The following TWSG1 variants were observed in gnomAD, a reference collection of about 807,000 sequenced individuals.
The protein encoded by TWSG1 is twisted gastrulation protein homolog 1.
In TWSG1, 15 loss-of-function variants were observed where a neutral mutation model predicts 23.0. The observed-to-expected ratio is 0.65, with a 90% CI of 0.44 to 1.00. The LOEUF (loss-of-function observed/expected upper bound fraction) is 1.00. Ranked by LOEUF, TWSG1 falls within the 50% of genes least tolerant of loss-of-function variation. The pLI is 0.00. For missense variants in TWSG1, 242 were observed against 278.7 expected (o/e 0.87, Z 0.94); for synonymous variants, 86 against 92.8 (o/e 0.93, Z 0.42).
chr18:9,392,676 A>G (rs930450392), intron 3 of TWSG1, among the ~76,000 whole-genome samples: 18 of 152,194 alleles, frequency 1.2e-4, no homozygotes, highest in African/African-American at 4.3e-4. Flanking sequence ...AGCTTTCAAC[A>G]TGCCATCTTC....
intron 3 of TWSG1, among the ~76,000 whole-genome samples, chr18:9,384,870 T>A (rs1281287009): frequency 6.6e-5 from 10 of 152,192 alleles, no homozygotes; most frequent in Non-Finnish European, 2.9e-5. Context: ...GGTCTTGAAC[T>A]CCTGATCTCA....
chr18:9,349,787 G>A (rs540019477), intron 2 of TWSG1, among the ~76,000 whole-genome samples: 99 of 152,034 alleles, frequency 6.5e-4, no homozygotes, highest in African/African-American at 2.2e-3. Context: ...CTTTTCTCTC[G>A]TGAACATTAT....
In TWSG1 at chr18:9,401,606, C is replaced by A. The variant is rs749549579; in HGVS notation, c.*2079C>A. ...AGAAACTATCCCTAAATGTAAAGAT[C>A]TTTTGCCTTCAAATTTGGCTTATTT... On this transcript the variant is annotated 3_prime_UTR_variant, in exon 5 of 5. Transcript: ENST00000262120. The A allele has an allele frequency of 2.0e-5, 3 of 152,164 alleles. 1 individual carries two copies. Among genetic ancestry groups the A allele is most frequent in the Non-Finnish European group, 1.5e-5 (1 of 67,984 alleles). The allele number at this position is 152,164 out of a possible 1,614,324, so 9.4% of individuals were successfully genotyped here. A position where few individuals can be genotyped will look rare whatever the true frequency, so the allele number is the denominator to read the frequency against.
chr18:9,397,615 A>G (rs746991648), intron 4 of TWSG1, among the ~76,000 whole-genome samples: 6 of 152,236 alleles, frequency 3.9e-5, no homozygotes, highest in Non-Finnish European at 8.8e-5. Context: ...GAAAATTGCA[A>G]TTATTTCTTA....
chr18:9,377,265 C>G (rs1208104980), intron 3 of TWSG1, among the ~76,000 whole-genome samples: 3 of 151,762 alleles, frequency 2.0e-5, no homozygotes, highest in African/African-American at 7.3e-5. Flanking sequence ...GTTGCCCAGG[C>G]TGGCGTGCAG....
At chr18:9,359,794 A>C (rs550564323) in intron 2 of TWSG1, among the ~76,000 whole-genome samples, 178 bp from the exon 3 acceptor site, 121 of 152,366 alleles carry the variant, frequency 7.9e-4, no homozygotes, top group African/African-American at 2.9e-3. Flanking sequence ...ATCCAAAAAA[A>C]ATCTACGTGA....
At chr18:9,391,248 G>A (rs192359892) in intron 3 of TWSG1, among the ~76,000 whole-genome samples, 357 of 152,236 alleles carry the variant, frequency 2.3e-3, no homozygotes, top group Non-Finnish European at 4.1e-3. Context: ...CTCAGGCTCC[G>A]CTTCTAATTC....
intron 2 of TWSG1, among the ~76,000 whole-genome samples, chr18:9,340,367 C>CAAAAAAAA (rs775837207): frequency 2.8e-4 from 19 of 67,066 alleles, no homozygotes; most frequent in Non-Finnish European, 3.0e-4. Flanking sequence ...GACTCCATTT[C>CAAAAAAAA]AAAAAAAAAA....
chr18:9,395,384 C>A (rs985824863), intron 3 of TWSG1, among the ~76,000 whole-genome samples: 4 of 152,212 alleles, frequency 2.6e-5, no homozygotes, highest in Admixed American at 2.6e-4. Flanking sequence ...CTAACAGTCA[C>A]TCATCAGACT....
chr18:9,338,221 G>A (rs2040431157), intron 2 of TWSG1, among the ~76,000 whole-genome samples: 1 of 152,194 alleles, frequency 6.6e-6, no homozygotes, highest in Non-Finnish European at 1.5e-5. Flanking sequence ...GAAGCATTTT[G>A]TGCTTATTTC....
At chr18:9,347,024 T>C (rs900038392) in intron 2 of TWSG1, among the ~76,000 whole-genome samples, 13 of 152,242 alleles carry the variant, frequency 8.5e-5, no homozygotes, top group African/African-American at 3.1e-4. Flanking sequence ...TTTCACCATC[T>C]AAATAGGTAT....
intron 3 of TWSG1, among the ~76,000 whole-genome samples, chr18:9,385,906 C>T (rs1278126707): frequency 3.3e-5 from 5 of 152,074 alleles, no homozygotes; most frequent in African/African-American, 1.2e-4. Context: ...TGGTGGCTCA[C>T]ACCTGTAATC....
At chr18:9,368,204 T>C (rs2040588504) in intron 3 of TWSG1, among the ~76,000 whole-genome samples, 1 of 151,980 alleles carries the variant, frequency 6.6e-6, no homozygotes, top group Admixed American at 6.6e-5. Context: ...TTTTTTTTGT[T>C]TTGTTTTGTT....
intron 3 of TWSG1, among the ~76,000 whole-genome samples, chr18:9,395,627 T>C (rs2040731269): frequency 6.6e-6 from 1 of 152,196 alleles, no homozygotes; most frequent in Admixed American, 6.5e-5. Context: ...AGTCCAATGG[T>C]ACAGTGATAG....
chr18:9,367,809 T>C (rs938722466), intron 3 of TWSG1, among the ~76,000 whole-genome samples: 5 of 152,222 alleles, frequency 3.3e-5, no homozygotes, highest in Non-Finnish European at 1.5e-5. Context: ...TAGGATTTCC[T>C]TCTTTTTTTA....
Position 9,340,805 on chromosome 18 carries a change from C to T in TWSG1, c.123+3453C>T, listed in dbSNP as rs1048386551. 1.8e-4 allele frequency among the ~76,000 whole-genome samples: 27 copies of T among 152,208 alleles called. 1 individual carries two copies. Among genetic ancestry groups the T allele is most frequent in the East Asian group, 1.9e-4 (1 of 5,204 alleles). Reference sequence around the variant, plus strand: ...TGCAATACAGTAGAATCTAGCCATACGTGGCTACCAAGTACTTGAAATGTG... The same window carrying T: ...TGCAATACAGTAGAATCTAGCCATATGTGGCTACCAAGTACTTGAAATGTG... On this transcript the variant is annotated intron_variant, in intron 2 of 4. Transcript: ENST00000262120.
At chr18:9,336,786 A>G (rs1390971511) in intron 1 of TWSG1, among the ~76,000 whole-genome samples, 1 of 152,246 alleles carries the variant, frequency 6.6e-6, no homozygotes, top group Non-Finnish European at 1.5e-5. Flanking sequence ...CCATTTCTGG[A>G]TAGTCTGAGG....
chr18:9,343,955 C>T (rs2040460615), intron 2 of TWSG1, among the ~76,000 whole-genome samples: 1 of 152,152 alleles, frequency 6.6e-6, no homozygotes, highest in Non-Finnish European at 1.5e-5. Context: ...TGCACACAGG[C>T]AGTGGTGCAA....
intron 1 of TWSG1, among the ~76,000 whole-genome samples, chr18:9,335,196 G>A (rs562947003): frequency 3.3e-5 from 5 of 152,286 alleles, no homozygotes; most frequent in African/African-American, 1.2e-4. Context: ...CCGAGCCGGG[G>A]TGGGGGTGGT....
Sources: allele counts gnomAD v4.1 joint callset (sites outside exome capture counted in the v4.1 genomes callset), GRCh38; gene constraint gnomAD v4.1.1; transcripts MANE v1.5; gene names NCBI Gene and HGNC (gene_info 2026-07-23, HGNC 2026-07-21).